KATNIP: variants seen among roughly 807,000 people sequenced by gnomAD.
KATNIP encodes the protein katanin interacting protein.
In KATNIP, 126 loss-of-function variants were observed where a neutral mutation model predicts 174.0. The observed-to-expected ratio is 0.72, with a 90% CI of 0.63 to 0.84. The LOEUF (loss-of-function observed/expected upper bound fraction) is 0.84, where lower values mean the gene tolerates loss of function less well. Among genes scored for constraint, KATNIP ranks in the 40% least tolerant of loss-of-function variants. The pLI is 0.00. For synonymous variants in KATNIP, 810 were observed against 835.7 expected (o/e 0.97, Z 0.53); for missense variants, 1,958 against 2,109.7 (o/e 0.93, Z 1.41).
chr16:27,585,170 A>C (rs1395084194), intron 2 of KATNIP, among the ~76,000 whole-genome samples: 1 of 152,224 alleles, frequency 6.6e-6, no homozygotes, highest in Non-Finnish European at 1.5e-5. Flanking sequence ...AACTCAATGC[A>C]ATTAACTACA....
intron 8 of KATNIP, among the ~76,000 whole-genome samples, chr16:27,686,385 T>C (rs931274829): frequency 6.6e-6 from 1 of 152,244 alleles, no homozygotes; most frequent in African/African-American, 2.4e-5. Context: ...GTCTACTTTG[T>C]CTGATATAAA....
chr16:27,648,475 G>T (rs1026610110), intron 5 of KATNIP, 129 bp from the exon 6 acceptor site: 123 of 1,093,754 alleles, frequency 1.1e-4, no homozygotes, highest in Non-Finnish European at 1.6e-4. Context: ...GCTGTTGCAT[G>T]CAGGCACACC....
chr16:27,697,919 C>G (rs2078970910), intron 8 of KATNIP, among the ~76,000 whole-genome samples: 1 of 152,166 alleles, frequency 6.6e-6, no homozygotes, highest in South Asian at 2.1e-4. Context: ...AAGTGGCAGA[C>G]ATCATTCCCC....
At chr16:27,732,447 A>G (rs866599845) in intron 14 of KATNIP, among the ~76,000 whole-genome samples, 1 of 152,210 alleles carries the variant, frequency 6.6e-6, no homozygotes, top group African/African-American at 2.4e-5. Flanking sequence ...AGACCTCAAG[A>G]CAGATAGGAA....
chr16:27,751,229 C>T (rs576144425), intron 16 of KATNIP, among the ~76,000 whole-genome samples: 1 of 152,268 alleles, frequency 6.6e-6, no homozygotes, highest in South Asian at 2.1e-4. Context: ...TTCCAGGAAG[C>T]CCAGCCACAA....
chr16:27,693,346 C>CA (rs2078799956), intron 8 of KATNIP, among the ~76,000 whole-genome samples: 1 of 152,156 alleles, frequency 6.6e-6, no homozygotes, highest in Non-Finnish European at 1.5e-5. Context: ...GGGATGATGA[C>CA]AAGAGACAGT....
At chr16:27,691,131 T>C (rs1366583433) in intron 8 of KATNIP, among the ~76,000 whole-genome samples, 1 of 152,140 alleles carries the variant, frequency 6.6e-6, no homozygotes, top group African/African-American at 2.4e-5. Context: ...GCCCCTTGCA[T>C]GTAGAAAGGG....
chr16:27,681,832 T>C (rs759049644), intron 8 of KATNIP, among the ~76,000 whole-genome samples: 4 of 152,170 alleles, frequency 2.6e-5, no homozygotes, highest in Non-Finnish European at 5.9e-5. Context: ...TCACCCTCAC[T>C]TGGGGGAGGG....
intron 2 of KATNIP, among the ~76,000 whole-genome samples, chr16:27,594,428 T>G (rs981331965): frequency 3.9e-5 from 6 of 152,062 alleles, no homozygotes; most frequent in African/African-American, 1.4e-4. Context: ...GGGACCCACC[T>G]TGTGTCACCT....
intron 1 of KATNIP, among the ~76,000 whole-genome samples, chr16:27,550,616 G>T (rs2141487789): frequency 6.6e-6 from 1 of 152,258 alleles, no homozygotes; most frequent in East Asian, 1.9e-4. Context: ...CCCTTTCTGT[G>T]CCTTGGCGTT....
intron 21 of KATNIP, among the ~76,000 whole-genome samples, chr16:27,770,792 G>A (rs533163700): frequency 4.6e-5 from 7 of 152,324 alleles, no homozygotes; most frequent in South Asian, 2.1e-4. Flanking sequence ...TATGATGCCC[G>A]TTTTACAGAT....
intron 14 of KATNIP, among the ~76,000 whole-genome samples, chr16:27,731,512 A>G (rs567230849): frequency 6.6e-6 from 1 of 152,302 alleles, no homozygotes; most frequent in Admixed American, 6.5e-5. Context: ...TACCAGCTCC[A>G]TTTTACAGAT....
chr16:27,716,822 C>T (rs1262930841), intron 13 of KATNIP, among the ~76,000 whole-genome samples: 2 of 151,734 alleles, frequency 1.3e-5, no homozygotes, highest in East Asian at 1.9e-4. Context: ...AAGAATGCTA[C>T]GTAAATGGAA....
chr16:27,694,767 G>A (rs961207209), intron 8 of KATNIP, among the ~76,000 whole-genome samples: 2 of 151,926 alleles, frequency 1.3e-5, no homozygotes, highest in Non-Finnish European at 2.9e-5. Flanking sequence ...CTGCACTCCA[G>A]CCTGGACAAG....
intron 5 of KATNIP, among the ~76,000 whole-genome samples, chr16:27,647,768 G>A (rs967260974): frequency 1.4e-4 from 21 of 152,086 alleles, no homozygotes; most frequent in Non-Finnish European, 2.4e-4. Context: ...GCCATCCAAA[G>A]TGCTGGGATT....
At chr16:27,599,300 T>A (rs971637417) in intron 2 of KATNIP, among the ~76,000 whole-genome samples, 1 of 152,152 alleles carries the variant, frequency 6.6e-6, no homozygotes, top group Non-Finnish European at 1.5e-5. Flanking sequence ...CTTCGAAGAT[T>A]CCTCAAGGCA....
rs1286753357 is a variant in KATNIP, at chr16:27,777,510, C to G, written c.4552-100C>G. On this transcript the variant is annotated intron_variant, in intron 25 of 27. Coordinates refer to ENST00000261588, the MANE Select transcript of KATNIP (RefSeq NM_015202.5). This position sits in a 1 kb window ranked among gnomAD's most constrained non-coding sequence, Gnocchi z 4.4. ...GCTTGTTCCTGACAGCCCCGTCTTC[C>G]CGAGGAGAAAGCCTTGGCTCAGAGC... 4 of 1,185,524 alleles carry G rather than the reference C, an allele frequency of 3.4e-6. 1 individual carries two copies. Among genetic ancestry groups the G allele is most frequent in the Non-Finnish European group, 1.2e-6 (1 of 854,910 alleles). The allele number at this position is 1,185,524 out of a possible 1,614,324, so 73.4% of individuals were successfully genotyped here. A position where few individuals can be genotyped will look rare whatever the true frequency, so the allele number is the denominator to read the frequency against.
At chr16:27,650,336 G>A (rs2077083445) in intron 6 of KATNIP, among the ~76,000 whole-genome samples, 1 of 152,216 alleles carries the variant, frequency 6.6e-6, no homozygotes, top group South Asian at 2.1e-4. Flanking sequence ...GTGCACTGGG[G>A]CAGAACAGGC....
At chr16:27,769,047 G>C (rs1480295038) in intron 20 of KATNIP, among the ~76,000 whole-genome samples, 1 of 152,244 alleles carries the variant, frequency 6.6e-6, no homozygotes, top group Non-Finnish European at 1.5e-5. Flanking sequence ...CTACCATTAG[G>C]ACTTTGAAAC....
Sources: gnomAD v4.1 joint callset for allele counts (sites outside exome capture counted in the v4.1 genomes callset) on GRCh38, gnomAD v4.1.1 for gene constraint, Gnocchi (gnomAD v3.1) non-coding constraint, MANE v1.5 for transcripts, NCBI Gene and HGNC (gene_info 2026-07-23, HGNC 2026-07-21) for gene names.